The following RAPGEF4 variants were observed in gnomAD, a reference collection of about 807,000 sequenced individuals.
RAPGEF4 encodes Rap guanine nucleotide exchange factor 4.
A neutral mutation model predicts 147.9 loss-of-function variants in RAPGEF4; 66 were observed. The observed-to-expected ratio is 0.45, with a 90% CI of 0.37 to 0.55. The LOEUF is 0.55. Among genes scored for constraint, RAPGEF4 ranks in the 20% least tolerant of loss-of-function variants. The probability of loss-of-function intolerance (pLI) is 0.00; values close to 1 mark genes in which losing one functional copy is unlikely to be tolerated. For synonymous variants in RAPGEF4, 419 were observed against 442.7 expected (o/e 0.95, Z 0.67); for missense variants, 1,071 against 1,257.3 (o/e 0.85, Z 2.24).
chr2:173,018,600 A>G (rs1575531104), intron 21 of RAPGEF4, 56 bp from the exon 22 acceptor site: 1 of 1,532,782 alleles, frequency 6.5e-7, no homozygotes, highest in Non-Finnish European at 8.8e-7. Context: ...TCATAACTAT[A>G]GTTTTATTGA....
At chr2:172,934,004 T>C (rs1473385957) in intron 6 of RAPGEF4, among the ~76,000 whole-genome samples, 2 of 152,098 alleles carry the variant, frequency 1.3e-5, no homozygotes, top group East Asian at 3.8e-4. Context: ...TACAGTTTCT[T>C]ACACTACTAA....
Position 173,017,491 on chromosome 2 carries a change from C to T in RAPGEF4, c.1995C>T (p.Arg665=), listed in dbSNP as rs34965602. The change falls in exon 21 of 31, where the codon CGC becomes CGT. Residue 665 remains arginine (R), a synonymous_variant. Coordinates refer to ENST00000397081, the MANE Select transcript of RAPGEF4 (RefSeq NM_007023.4). ...GAGCCCAGAAGCGCCAGCCTATCCG[C>T]GGCTCTGATGAAGGTGAGAACCCTC... ...DERAQKRQPI[R]GSDEVLFKVY... is the part of the protein sequence containing the mutation. 1,246 of 1,613,712 alleles carry T rather than the reference C, an allele frequency of 7.7e-4. 3 individuals are homozygous for T. The highest frequency in any genetic ancestry group is 2.5e-3 in the South Asian group (231 of 91,076).
chr2:173,008,211 G>A (rs1694682343), intron 17 of RAPGEF4, among the ~76,000 whole-genome samples: 1 of 152,120 alleles, frequency 6.6e-6, no homozygotes, highest in African/African-American at 2.4e-5. Flanking sequence ...CACCATGATT[G>A]TAAGTTTCCT....
chr2:172,811,284 G>T lies in RAPGEF4; in HGVS notation c.298-2995G>T, dbSNP rs116537712. 4.5e-3 allele frequency among the ~76,000 whole-genome samples: 690 copies of T among 152,348 alleles called. 1 individual carries two copies. Among genetic ancestry groups the T allele is most frequent in the Non-Finnish European group, 6.7e-3 (455 of 68,030 alleles). ...AGGGGTGAGTGCAGAATCTGGCAGG[G>T]CTCCAGCAGCATCTGCTAAACCACC... is the stretch of plus-strand genomic sequence containing the variant. On this transcript the variant is annotated intron_variant, in intron 3 of 30. Transcript: ENST00000397081.
At chr2:172,980,292 C>T (rs2105635415) in intron 10 of RAPGEF4, among the ~76,000 whole-genome samples, 1 of 152,026 alleles carries the variant, frequency 6.6e-6, no homozygotes, top group Middle Eastern at 3.4e-3. Context: ...AGCTGGTGGT[C>T]CTTGTGAGTT....
intron 6 of RAPGEF4, among the ~76,000 whole-genome samples, chr2:172,927,253 CT>C (rs1387634478): frequency 6.6e-6 from 1 of 152,132 alleles, no homozygotes; most frequent in Non-Finnish European, 1.5e-5. Flanking sequence ...TAATAAGAAC[CT>C]TTTGACTGTG....
chr2:172,844,087 T>C (rs557881387), intron 4 of RAPGEF4, among the ~76,000 whole-genome samples: 11 of 152,360 alleles, frequency 7.2e-5, no homozygotes, highest in Non-Finnish European at 1.5e-4. Flanking sequence ...GCATTTGCAA[T>C]TGACATATAA....
chr2:172,894,077 T>A (rs3754762), intron 4 of RAPGEF4: 4,817 of 152,358 alleles, frequency 0.032, 171 homozygotes, highest in South Asian at 0.15. Context: ...AGAGCAGATG[T>A]CTCTGTGTGT....
intron 1 of RAPGEF4, among the ~76,000 whole-genome samples, chr2:172,761,089 G>A (rs1696274442): frequency 6.7e-6 from 1 of 148,822 alleles, no homozygotes; most frequent in Non-Finnish European, 1.5e-5. Context: ...GAATGAAGTG[G>A]AACATTTTTC....
In RAPGEF4 at chr2:172,800,849, G is replaced by C. The variant is rs550834476; in HGVS notation, c.297+3236G>C. On this transcript the variant is annotated intron_variant, in intron 3 of 30. Transcript: ENST00000397081. ...TATCCTTACAGCAACATCTAGATTAGTATTTAACCAAACTACTGGCCATTA... is the reference window on the plus strand; with the variant it reads ...TATCCTTACAGCAACATCTAGATTACTATTTAACCAAACTACTGGCCATTA... Among the ~76,000 whole-genome samples, 171 of 152,264 alleles carry C rather than the reference G, an allele frequency of 1.1e-3. 1 individual carries two copies. Among genetic ancestry groups the C allele is most frequent in the African/African-American group, 4.0e-3 (168 of 41,536 alleles).
At chr2:172,792,911 T>G (rs1001375476) in intron 1 of RAPGEF4, among the ~76,000 whole-genome samples, 2 of 152,212 alleles carry the variant, frequency 1.3e-5, no homozygotes. Context: ...GTAAAACACA[T>G]GCCTCCTGTC....
chr2:172,776,736 A>G (rs918999790), intron 1 of RAPGEF4, among the ~76,000 whole-genome samples: 2 of 151,948 alleles, frequency 1.3e-5, no homozygotes, highest in African/African-American at 4.8e-5. Flanking sequence ...CATACAGTGA[A>G]TTTTTTTCAT....
At chr2:172,805,178 T>C (rs1003691954) in intron 3 of RAPGEF4, among the ~76,000 whole-genome samples, 4 of 152,156 alleles carry the variant, frequency 2.6e-5, no homozygotes, top group African/African-American at 9.7e-5. Context: ...CAAGTTTCCC[T>C]AATTCAAGGC....
intron 10 of RAPGEF4, among the ~76,000 whole-genome samples, chr2:172,969,350 G>T (rs1002409019): frequency 6.6e-6 from 1 of 152,236 alleles, no homozygotes; most frequent in Admixed American, 6.5e-5. Context: ...AACTACTTAT[G>T]CAAGCAATCA....
At chr2:172,812,834 A>G (rs1688157417) in intron 3 of RAPGEF4, among the ~76,000 whole-genome samples, 1 of 152,212 alleles carries the variant, frequency 6.6e-6, no homozygotes, top group South Asian at 2.1e-4. Context: ...GGAACCTGCT[A>G]TTCCAGAGAA....
chr2:173,021,053 T>C (rs1696037761), intron 23 of RAPGEF4, among the ~76,000 whole-genome samples: 1 of 152,212 alleles, frequency 6.6e-6, no homozygotes, highest in South Asian at 2.1e-4. Flanking sequence ...TAAAGCAAGA[T>C]ATCACTATTT....
chr2:172,863,704 A>G (rs1206749639), intron 4 of RAPGEF4, among the ~76,000 whole-genome samples: 1 of 152,232 alleles, frequency 6.6e-6, no homozygotes, highest in Non-Finnish European at 1.5e-5. Context: ...TCAAGCAAGA[A>G]TCAAAATTAT....
intron 4 of RAPGEF4, among the ~76,000 whole-genome samples, chr2:172,879,932 C>T (rs1696415349): frequency 6.6e-6 from 1 of 152,150 alleles, no homozygotes; most frequent in South Asian, 2.1e-4. Context: ...GTGGGTGGTA[C>T]AACAAAAGCT....
At chr2:172,761,692 T>C (rs752236413) in intron 1 of RAPGEF4, among the ~76,000 whole-genome samples, 1 of 152,016 alleles carries the variant, frequency 6.6e-6, no homozygotes, top group East Asian at 1.9e-4. Flanking sequence ...AAAGAGTAAA[T>C]ATATGAAGCA....
Sources: gnomAD v4.1 joint callset for allele counts (sites outside exome capture counted in the v4.1 genomes callset) on GRCh38, gnomAD v4.1.1 for gene constraint, MANE v1.5 for transcripts, NCBI Gene and HGNC (gene_info 2026-07-23, HGNC 2026-07-21) for gene names.